The following GPR39 variants were observed in gnomAD, a reference collection of about 807,000 sequenced individuals.
The protein encoded by GPR39 is zinc sensing receptor.
A neutral mutation model predicts 18.4 loss-of-function variants in GPR39; 23 were observed. The observed-to-expected ratio is 1.25, with a 90% CI of 0.90 to 1.77. The LOEUF (loss-of-function observed/expected upper bound fraction) is 1.77, where lower values mean the gene tolerates loss of function less well. Among genes scored for constraint, GPR39 ranks in the 40% most tolerant of loss-of-function variants. The pLI is 0.00. For missense variants in GPR39, 647 were observed against 602.4 expected (o/e 1.07, Z -0.78); for synonymous variants, 280 against 257.9 (o/e 1.09, Z -0.82).
intron 1 of GPR39, among the ~76,000 whole-genome samples, chr2:132,484,163 C>T (rs954713471): frequency 1.3e-4 from 20 of 152,148 alleles, no homozygotes; most frequent in Admixed American, 2.6e-4. Flanking sequence ...TGATGTGTTG[C>T]GCTAGTTACA....
chr2:132,627,452 C>A (rs746041153), intron 1 of GPR39, among the ~76,000 whole-genome samples: 4 of 152,110 alleles, frequency 2.6e-5, no homozygotes, highest in Non-Finnish European at 4.4e-5. Context: ...TTCTAGGAAG[C>A]AGAGAGAAAG....
At chr2:132,454,122 G>A (rs928953501) in intron 1 of GPR39, among the ~76,000 whole-genome samples, 2 of 152,188 alleles carry the variant, frequency 1.3e-5, no homozygotes, top group Non-Finnish European at 2.9e-5. Flanking sequence ...ATCATGGAAT[G>A]TTCTTCCATT....
chr2:132,628,228 C>A (rs1407343897), intron 1 of GPR39, among the ~76,000 whole-genome samples: 3 of 152,188 alleles, frequency 2.0e-5, no homozygotes, highest in Non-Finnish European at 4.4e-5. Flanking sequence ...TGGAACTTGC[C>A]CCACTGGTGC....
intron 1 of GPR39, among the ~76,000 whole-genome samples, chr2:132,572,602 T>C (rs1302371497): frequency 6.6e-6 from 1 of 151,760 alleles, no homozygotes; most frequent in Non-Finnish European, 1.5e-5. Flanking sequence ...TGTTGAATCA[T>C]GAAACCAAAA....
intron 1 of GPR39, among the ~76,000 whole-genome samples, chr2:132,527,720 T>G (rs558293212): frequency 1.4e-4 from 21 of 152,352 alleles, no homozygotes; most frequent in African/African-American, 4.3e-4. Context: ...GTATGTTTGT[T>G]GGCTACATAA....
At chr2:132,450,147 C>T (rs778698758) in intron 1 of GPR39, among the ~76,000 whole-genome samples, 9 of 152,172 alleles carry the variant, frequency 5.9e-5, no homozygotes, top group Admixed American at 2.0e-4. Flanking sequence ...GAAGACCTGA[C>T]GTGGCAGCTT....
chr2:132,645,982 G>C lies in GPR39; in HGVS notation c.*376G>C. ...CACCCAGAAGAAACTCACTCAGGGA[G>C]GTGGGGGGTTGGGGGCGAGGGCTGG... On this transcript the variant is annotated 3_prime_UTR_variant, in exon 2 of 2. Transcript: ENST00000329321. 1.6e-6 allele frequency: 2 copies of C among 1,255,350 alleles called. No homozygotes were observed. The highest frequency in any genetic ancestry group is 1.5e-5 in the South Asian group (1 of 64,702). The allele number at this position is 1,255,350 out of a possible 1,614,324, so 77.8% of individuals were successfully genotyped here.
intron 1 of GPR39, among the ~76,000 whole-genome samples, chr2:132,480,458 C>T (rs566451556): frequency 7.2e-5 from 11 of 152,124 alleles, no homozygotes; most frequent in East Asian, 5.8e-4. Flanking sequence ...ATAGATACAG[C>T]GGCATGGTAT....
At position 132,645,702 on chromosome 2, in the gene GPR39, A is replaced by G; in HGVS notation, c.*96A>G. On this transcript the variant is annotated 3_prime_UTR_variant, in exon 2 of 2. Transcript: ENST00000329321. ...GTCTCAAACTATGCCCCCATCAGGG[A>G]TGGAATGGACACTGGAGGCTTTACA... 2 of 1,481,156 alleles carry G rather than the reference A, an allele frequency of 1.4e-6. No individual in the cohort carries two copies. Among genetic ancestry groups the G allele is most frequent in the Non-Finnish European group, 1.8e-6 (2 of 1,104,566 alleles). The allele number at this position is 1,481,156 out of a possible 1,614,324, so 91.8% of individuals were successfully genotyped here. A position where few individuals can be genotyped will look rare whatever the true frequency, so the allele number is the denominator to read the frequency against.
At chr2:132,549,797 G>A (rs776664019) in intron 1 of GPR39, among the ~76,000 whole-genome samples, 1 of 151,966 alleles carries the variant, frequency 6.6e-6, no homozygotes, top group Non-Finnish European at 1.5e-5. Flanking sequence ...AAAAAAAAAA[G>A]AGCTTCAGAT....
Position 132,417,009 on chromosome 2 carries a change from A to C in GPR39, c.-34A>C, listed in dbSNP as rs765476744. 2 of 1,597,036 alleles carry C rather than the reference A, an allele frequency of 1.3e-6. No individual in the cohort carries two copies. The highest frequency in any genetic ancestry group is 1.7e-6 in the Non-Finnish European group (2 of 1,169,952). On this transcript the variant is annotated 5_prime_UTR_variant, in exon 1 of 2. Transcript: ENST00000329321. ...TGGGAGGAGAAAGGGAAGTTGAGAA[A>C]GTCTTTGGACCTGGTAGCCTGGTGC... is the stretch of plus-strand genomic sequence containing the variant.
At chr2:132,632,003 C>T (rs1386165063) in intron 1 of GPR39, among the ~76,000 whole-genome samples, 2 of 151,930 alleles carry the variant, frequency 1.3e-5, no homozygotes, top group African/African-American at 4.8e-5. Context: ...TTGTATTTTA[C>T]TAGAGACGGG....
intron 1 of GPR39, among the ~76,000 whole-genome samples, chr2:132,478,208 A>G (rs1318343773): frequency 1.3e-5 from 2 of 152,256 alleles, no homozygotes; most frequent in Admixed American, 1.3e-4. Flanking sequence ...AACATTTTCT[A>G]GATTCCTTGA....
chr2:132,451,821 A>G (rs1680637218), intron 1 of GPR39, among the ~76,000 whole-genome samples: 1 of 152,026 alleles, frequency 6.6e-6, no homozygotes. Context: ...AGGGTTTATA[A>G]TATTTACCTG....
intron 1 of GPR39, among the ~76,000 whole-genome samples, chr2:132,427,651 T>G (rs1327604639): frequency 6.6e-6 from 1 of 150,666 alleles, no homozygotes; most frequent in East Asian, 1.9e-4. Context: ...AATATCACAT[T>G]GAAATGACAG....
intron 1 of GPR39, among the ~76,000 whole-genome samples, chr2:132,620,475 T>C (rs1200168797): frequency 2.0e-5 from 3 of 152,124 alleles, no homozygotes; most frequent in Non-Finnish European, 4.4e-5. Context: ...GGCCACACCA[T>C]CTCCAGTTTC....
At chr2:132,531,523 C>T (rs1269284071) in intron 1 of GPR39, among the ~76,000 whole-genome samples, 3 of 152,206 alleles carry the variant, frequency 2.0e-5, no homozygotes, top group Non-Finnish European at 4.4e-5. Context: ...AACTACAGAA[C>T]TCTCCACCCC....
At chr2:132,565,490 G>C (rs1053323942) in intron 1 of GPR39, among the ~76,000 whole-genome samples, 1 of 149,516 alleles carries the variant, frequency 6.7e-6, no homozygotes, top group Non-Finnish European at 1.5e-5. Flanking sequence ...ATGCTGGTGC[G>C]CTGCATCCAC....
At chr2:132,536,401 T>C (rs1430803403) in intron 1 of GPR39, among the ~76,000 whole-genome samples, 5 of 152,196 alleles carry the variant, frequency 3.3e-5, no homozygotes, top group African/African-American at 1.2e-4. Flanking sequence ...TTAATCCTGA[T>C]TTCTAATGTA....
Sources: gnomAD v4.1 joint callset for allele counts (sites outside exome capture counted in the v4.1 genomes callset) on GRCh38, gnomAD v4.1.1 for gene constraint, MANE v1.5 for transcripts, NCBI Gene and HGNC (gene_info 2026-07-23, HGNC 2026-07-21) for gene names.